APBA2: variants seen among roughly 807,000 people sequenced by gnomAD.
The protein encoded by APBA2 is amyloid-beta A4 precursor protein-binding family A member 2.
APBA2 carries 30 observed loss-of-function variants against 75.0 expected under a neutral mutation model. The observed-to-expected ratio is 0.40, with a 90% CI of 0.30 to 0.54. The LOEUF is 0.54. Ranked by LOEUF, APBA2 falls within the 20% of genes least tolerant of loss-of-function variation. The pLI, the probability that APBA2 is intolerant of heterozygous loss-of-function variation, is 0.49. For synonymous variants in APBA2, 444 were observed against 409.6 expected, an observed-to-expected ratio of 1.08 and a Z score of -1.01; for missense variants, 801 against 1,016.1, an observed-to-expected ratio of 0.79 and a Z score of 2.88.
intron 3 of APBA2, among the ~76,000 whole-genome samples, chr15:29,022,089 C>T (rs914242297): frequency 1.3e-5 from 2 of 152,124 alleles, no homozygotes; most frequent in Non-Finnish European, 2.9e-5. Context: ...GTGAATAATG[C>T]CGCAGTGAGC....
intron 3 of APBA2, among the ~76,000 whole-genome samples, chr15:29,035,945 G>A (rs756072897): frequency 9.9e-5 from 15 of 152,122 alleles, no homozygotes; most frequent in African/African-American, 2.7e-4. Context: ...ACCCCGGAGC[G>A]CCCCCCTACC....
At chr15:29,076,673 C>A (rs1334432106) in intron 6 of APBA2, among the ~76,000 whole-genome samples, 1 of 152,112 alleles carries the variant, frequency 6.6e-6, no homozygotes, top group Non-Finnish European at 1.5e-5. Flanking sequence ...AGTGCTCCAA[C>A]CTCAGAGTAA....
chr15:28,916,013 G>A (rs1274558025), intron 1 of APBA2, among the ~76,000 whole-genome samples: 98 of 152,234 alleles, frequency 6.4e-4, no homozygotes, highest in Non-Finnish European at 1.2e-3. Context: ...ACATTTGCAC[G>A]TAAACTACTC....
chr15:28,976,448 G>A (rs997932073), intron 2 of APBA2, among the ~76,000 whole-genome samples: 1 of 152,226 alleles, frequency 6.6e-6, no homozygotes, highest in African/African-American at 2.4e-5. Context: ...ACCATGAGGT[G>A]TGGAGTTTGC....
At chr15:28,903,894 A>G (rs1566785707) in intron 1 of APBA2, among the ~76,000 whole-genome samples, 1 of 152,084 alleles carries the variant, frequency 6.6e-6, no homozygotes, top group African/African-American at 2.4e-5. Context: ...CTTGTCCCTG[A>G]GGAGGGACAA....
At chr15:29,078,287 C>T (rs948934812) in intron 6 of APBA2, among the ~76,000 whole-genome samples, 2 of 149,706 alleles carry the variant, frequency 1.3e-5, no homozygotes. Context: ...AGCGAAACTC[C>T]GTATCAAAAA....
intron 11 of APBA2, 135 bp from the exon 12 acceptor site, chr15:29,106,472 T>A: frequency 9.8e-7 from 1 of 1,019,540 alleles, no homozygotes; most frequent in Non-Finnish European, 1.5e-6. Context: ...CTCTCCTGGC[T>A]GAGATGAGCC....
chr15:29,108,261 G>C lies in APBA2; in HGVS notation c.1918-9G>C. 6.2e-7 allele frequency: 1 copy of C among 1,613,736 alleles called. No individual in the cohort carries two copies. Among genetic ancestry groups the C allele is most frequent in the Non-Finnish European group, 8.5e-7 (1 of 1,180,036 alleles). On this transcript the variant is annotated splice_polypyrimidine_tract_variant and intron_variant, in intron 12 of 14. Transcript: ENST00000683413. ...CCCAGCCTGTGACTCCTGTCCCCGT[G>C]CTCTGCAGGGCCTGAAGAACCAGAC...
intron 13 of APBA2, among the ~76,000 whole-genome samples, chr15:29,110,529 A>G (rs2044671365): frequency 6.6e-6 from 1 of 152,140 alleles, no homozygotes; most frequent in Non-Finnish European, 1.5e-5. Flanking sequence ...CCTGGGGGCT[A>G]CCTACTCGTA....
chr15:29,034,225 G>T (rs1269063564), intron 3 of APBA2, among the ~76,000 whole-genome samples: 2 of 152,150 alleles, frequency 1.3e-5, no homozygotes, highest in Admixed American at 6.5e-5. Context: ...ATGTGGTTGA[G>T]CTCAATATCT....
chr15:29,117,485 T>G lies in APBA2; in HGVS notation c.*352T>G. 1 of 308,124 alleles carries G rather than the reference T, an allele frequency of 3.2e-6. No individual in the cohort carries two copies. Among genetic ancestry groups the G allele is most frequent in the Non-Finnish European group, 6.2e-6 (1 of 162,270 alleles). 19.1% of individuals were successfully genotyped at this position (308,124 alleles called of 1,614,324 possible). A position where few individuals can be genotyped will look rare whatever the true frequency, so the allele number is the denominator to read the frequency against. ...AAGCTGTGCGGAGCGAACTGGCGCC[T>G]CCGAGGGACGCGGCTCCCGGGGCAG... On this transcript the variant is annotated 3_prime_UTR_variant, in exon 15 of 15. Transcript: ENST00000683413.
intron 12 of APBA2, 31 bp from the exon 13 acceptor site, chr15:29,108,239 A>G (rs1220677581): frequency 6.2e-7 from 1 of 1,613,230 alleles, no homozygotes; most frequent in South Asian, 1.1e-5. Flanking sequence ...TCTAAGGCCC[A>G]GCCTGTGACT....
intron 7 of APBA2, 53 bp from the exon 8 acceptor site, chr15:29,094,225 A>C: frequency 6.3e-7 from 1 of 1,591,042 alleles, no homozygotes; most frequent in Non-Finnish European, 8.6e-7. Context: ...AACCTCACGC[A>C]CCTTCCTTCT....
intron 3 of APBA2, among the ~76,000 whole-genome samples, chr15:29,051,091 T>C (rs2041573575): frequency 6.6e-6 from 1 of 152,190 alleles, no homozygotes; most frequent in Non-Finnish European, 1.5e-5. Flanking sequence ...TTGTGGTTGC[T>C]AAGTCCCTGA....
intron 3 of APBA2, among the ~76,000 whole-genome samples, chr15:29,012,397 T>C (rs1046155260): frequency 1.4e-4 from 22 of 152,164 alleles, no homozygotes; most frequent in African/African-American, 5.1e-4. Flanking sequence ...GCTATGGGCT[T>C]TGGGGCAGAA....
intron 1 of APBA2, among the ~76,000 whole-genome samples, chr15:28,907,017 G>C (rs2033165458): frequency 6.6e-6 from 1 of 152,056 alleles, no homozygotes; most frequent in Non-Finnish European, 1.5e-5. Context: ...TATCAAGCTT[G>C]CTTTATTTAC....
intron 3 of APBA2, among the ~76,000 whole-genome samples, chr15:29,023,614 C>T (rs1218073324): frequency 5.9e-5 from 9 of 151,620 alleles, no homozygotes; most frequent in Admixed American, 5.9e-4. Context: ...CGCCCCCATG[C>T]TTGACTAATT....
chr15:29,108,746 C>T (rs578140750), intron 13 of APBA2: 44 of 408,262 alleles, frequency 1.1e-4, no homozygotes, highest in South Asian at 6.7e-4. Context: ...AACAAACAGA[C>T]GTTCACTCAT....
chr15:28,954,736 T>C (rs78696398), intron 2 of APBA2, among the ~76,000 whole-genome samples: 8,737 of 152,232 alleles, frequency 0.057, 516 homozygotes, highest in East Asian at 0.18. Flanking sequence ...AGTGAGGGCC[T>C]CCTGCCATGC....
Sources: allele counts gnomAD v4.1 joint callset (sites outside exome capture counted in the v4.1 genomes callset), GRCh38; gene constraint gnomAD v4.1.1; transcripts MANE v1.5; gene names NCBI Gene and HGNC (gene_info 2026-07-23, HGNC 2026-07-21).